Variants in SAMD4A observed in about 807,000 individuals in gnomAD.
SAMD4A encodes the protein protein Smaug homolog 1.
SAMD4A carries 33 observed loss-of-function variants against 81.3 expected under a neutral mutation model. That is an observed-to-expected ratio of 0.41 (90% CI 0.31 to 0.54). The LOEUF is 0.54. Ranked by LOEUF, SAMD4A falls within the 20% of genes least tolerant of loss-of-function variation. The pLI, the probability that SAMD4A is intolerant of heterozygous loss-of-function variation, is 0.37. For synonymous variants in SAMD4A, 389 were observed against 382.1 expected, an observed-to-expected ratio of 1.02 and a Z score of -0.21; for missense variants, 854 against 951.1, an observed-to-expected ratio of 0.90 and a Z score of 1.34.
At position 54,593,061 on chromosome 14, in the gene SAMD4A, C is replaced by A. The variant is rs147038445; in HGVS notation, c.196+24949C>A. ...GAAAAAATAGAATGATATAATAAAC[C>A]CCTAAATACCCAACATTCAGCTTCA... On this transcript the variant is annotated intron_variant, in intron 2 of 12. Transcript: ENST00000554335. Among the ~76,000 whole-genome samples the A allele has an allele frequency of 3.7e-3, 560 of 152,110 alleles. 6 individuals are homozygous for A. Among genetic ancestry groups the A allele is most frequent in the African/African-American group, 0.013 (534 of 41,480 alleles).
intron 3 of SAMD4A, among the ~76,000 whole-genome samples, chr14:54,709,141 G>A (rs1488409828): frequency 6.6e-6 from 1 of 152,012 alleles, no homozygotes; most frequent in African/African-American, 2.4e-5. Flanking sequence ...GCCGGGTGTG[G>A]TGGTGTGTGT....
At chr14:54,651,540 A>G (rs2035403416) in intron 2 of SAMD4A, among the ~76,000 whole-genome samples, 1 of 152,220 alleles carries the variant, frequency 6.6e-6, no homozygotes, top group African/African-American at 2.4e-5. Flanking sequence ...AATGGGTCAT[A>G]TGTTGGAATT....
chr14:54,568,626 T>C (rs2033024445), intron 2 of SAMD4A, among the ~76,000 whole-genome samples: 1 of 147,698 alleles, frequency 6.8e-6, no homozygotes, highest in South Asian at 2.1e-4. Flanking sequence ...TATTCTGGTT[T>C]TAGAGCTTCG....
intron 2 of SAMD4A, chr14:54,694,572 CAG>C (rs1475830750): frequency 8.3e-6 from 8 of 968,974 alleles, no homozygotes; most frequent in African/African-American, 1.8e-5. Flanking sequence ...ATCTGGGGCT[CAG>C]GGGAGAAACC....
At chr14:54,768,023 C>A (rs1012921148) in intron 8 of SAMD4A, among the ~76,000 whole-genome samples, 2 of 152,210 alleles carry the variant, frequency 1.3e-5, no homozygotes, top group Admixed American at 1.3e-4. Context: ...TGTTTGCCAC[C>A]AGGGAAGATG....
chr14:54,566,997 A>T (rs1197826592), upstream of SAMD4A: 1 of 152,884 alleles, frequency 6.5e-6, no homozygotes, highest in African/African-American at 2.4e-5. Flanking sequence ...GTTGCTGTAG[A>T]TGGAGCTGCA....
chr14:54,673,792 T>C (rs1042789937), intron 2 of SAMD4A, among the ~76,000 whole-genome samples: 1 of 152,266 alleles, frequency 6.6e-6, no homozygotes, highest in African/African-American at 2.4e-5. Context: ...TCTTATTGAC[T>C]GAGCTGAAGG....
chr14:54,576,746 C>T (rs1433827651), intron 2 of SAMD4A, among the ~76,000 whole-genome samples: 2 of 152,180 alleles, frequency 1.3e-5, no homozygotes, highest in African/African-American at 4.8e-5. Context: ...CCTCTTATTT[C>T]CTGATGAATT....
intron 3 of SAMD4A, among the ~76,000 whole-genome samples, chr14:54,707,161 TA>T (rs1440430812): frequency 6.7e-6 from 1 of 149,202 alleles, no homozygotes; most frequent in Non-Finnish European, 1.5e-5. Context: ...TGGAGTACAG[TA>T]GTGTGATCAT....
At chr14:54,712,626 T>A (rs1275270283) in intron 3 of SAMD4A, among the ~76,000 whole-genome samples, 2 of 152,156 alleles carry the variant, frequency 1.3e-5, no homozygotes, top group Non-Finnish European at 2.9e-5. Context: ...TCATGCCTAG[T>A]GTCTGTTTTC....
At chr14:54,695,263 T>G (rs963994037) in intron 2 of SAMD4A, among the ~76,000 whole-genome samples, 2 of 152,242 alleles carry the variant, frequency 1.3e-5, no homozygotes, top group African/African-American at 4.8e-5. Flanking sequence ...TAGAACAGCC[T>G]GGCTGGGAAG....
At chr14:54,724,329 G>C (rs1006685147) in intron 3 of SAMD4A, among the ~76,000 whole-genome samples, 4 of 152,184 alleles carry the variant, frequency 2.6e-5, no homozygotes, top group Non-Finnish European at 4.4e-5. Flanking sequence ...TCTTTCCACT[G>C]CTCAGCTGTC....
Position 54,737,282 on chromosome 14 carries a change from T to C in SAMD4A, c.974T>C (p.Met325Thr). 1 of 1,614,028 alleles carries C rather than the reference T, an allele frequency of 6.2e-7. No homozygotes were observed. The highest frequency in any genetic ancestry group is 8.5e-7 in the Non-Finnish European group (1 of 1,179,996). The change falls in exon 4 of 13, where the codon ATG (methionine) becomes ACG (threonine). Residue 325 changes from methionine to threonine, a missense_variant. By Grantham distance (81) the Met-to-Thr change is moderately conservative (BLOSUM62 -1). Transcript: ENST00000554335. Reference sequence around the variant, plus strand: ...ACATTCCAAGAAGAAGGTAGTGGGATGAAAGGTGAGTGACTAAATGAGAAA... The same window carrying C: ...ACATTCCAAGAAGAAGGTAGTGGGACGAAAGGTGAGTGACTAAATGAGAAA... ...RNTFQEEGSG[M>T]KDVPAWLKSL...
intron 10 of SAMD4A, 115 bp from the exon 11 acceptor site, chr14:54,776,299 T>A: frequency 8.8e-7 from 1 of 1,129,948 alleles, no homozygotes; most frequent in Non-Finnish European, 1.2e-6. Flanking sequence ...GCAAGCCCCT[T>A]TTCTAGAAGT....
chr14:54,568,836 T>C (rs1402105799), intron 2 of SAMD4A, among the ~76,000 whole-genome samples: 1 of 151,022 alleles, frequency 6.6e-6, no homozygotes, highest in Non-Finnish European at 1.5e-5. Context: ...TGAAGTGGGT[T>C]ACTTAATGCT....
chr14:54,678,178 TG>T (rs962942382), intron 2 of SAMD4A, among the ~76,000 whole-genome samples: 8 of 152,300 alleles, frequency 5.3e-5, no homozygotes, highest in African/African-American at 1.9e-4. Context: ...GAAGTATGAT[TG>T]GGGGACAAAA....
chr14:54,775,053 G>A lies in SAMD4A; in HGVS notation c.1835G>A (p.Gly612Asp). The change falls in exon 10 of 13, where the codon GGC becomes GAC. Residue 612 changes from glycine to aspartate, a missense_variant. This residue lies in a region of SAMD4A where 428 missense variants were observed against 471.2 expected (regional missense o/e 0.91). Transcript: ENST00000554335. Reference protein sequence around the residue: ...PSRNVPSARLGLLGTSGFVSS... With the variant: ...PSRNVPSARLDLLGTSGFVSS... ...CGGAACGTCCCTTCCGCCCGCCTGG[G>A]CCTCTTGGGCACCAGTGGATTCGTC... The A allele has an allele frequency of 6.2e-7, 1 of 1,614,176 alleles. No individual in the cohort carries two copies. Among genetic ancestry groups the A allele is most frequent in the Non-Finnish European group, 8.5e-7 (1 of 1,180,026 alleles).
intron 3 of SAMD4A, among the ~76,000 whole-genome samples, chr14:54,716,602 C>G (rs1403547867): frequency 5.3e-5 from 8 of 152,086 alleles, no homozygotes; most frequent in Non-Finnish European, 1.2e-4. Flanking sequence ...GCTCGTTAGT[C>G]TTCATTTGCC....
At chr14:54,585,948 G>A (rs1164722948) in intron 2 of SAMD4A, among the ~76,000 whole-genome samples, 2 of 152,040 alleles carry the variant, frequency 1.3e-5, no homozygotes, top group Admixed American at 6.5e-5. Context: ...TCTCTGGGTA[G>A]ATACCTACCC....
Sources: gnomAD v4.1 joint callset for allele counts (sites outside exome capture counted in the v4.1 genomes callset) on GRCh38, gnomAD v4.1.1 for gene constraint, gnomAD v4.1.1 regional missense constraint, MANE v1.5 for transcripts, NCBI Gene and HGNC (gene_info 2026-07-23, HGNC 2026-07-21) for gene names.